Variants in SCFD2 observed in about 807,000 individuals in gnomAD.
SCFD2 encodes the protein sec1 family domain-containing protein 2.
In SCFD2, 54 loss-of-function variants were observed where a neutral mutation model predicts 58.9. The observed-to-expected ratio is 0.92, with a 90% CI of 0.74 to 1.15. SCFD2 has a LOEUF of 1.15. Ranked by LOEUF, SCFD2 falls within the 50% of genes most tolerant of loss-of-function variation. The pLI is 0.00. For missense variants in SCFD2, 805 were observed against 836.6 expected, an observed-to-expected ratio of 0.96 and a Z score of 0.47; for synonymous variants, 321 against 335.9, an observed-to-expected ratio of 0.96 and a Z score of 0.49.
intron 5 of SCFD2, among the ~76,000 whole-genome samples, chr4:52,933,099 A>T (rs527639165): frequency 6.6e-6 from 1 of 152,274 alleles, no homozygotes; most frequent in Admixed American, 6.5e-5. Flanking sequence ...AGGGAAGCTT[A>T]CAGAAAGATG....
chr4:53,093,429 A>G (rs1724529420), intron 5 of SCFD2, among the ~76,000 whole-genome samples: 1 of 152,178 alleles, frequency 6.6e-6, no homozygotes, highest in Non-Finnish European at 1.5e-5. Context: ...TAATTTGGCA[A>G]TATCTGTCAA....
chr4:53,182,972 G>C (rs1238815430), intron 4 of SCFD2, among the ~76,000 whole-genome samples: 2 of 152,192 alleles, frequency 1.3e-5, no homozygotes, highest in Non-Finnish European at 2.9e-5. Context: ...ACCCCAGTTA[G>C]AATGGCGATC....
At chr4:53,142,431 A>C (rs1446670504) in intron 5 of SCFD2, among the ~76,000 whole-genome samples, 3 of 152,258 alleles carry the variant, frequency 2.0e-5, no homozygotes, top group Admixed American at 6.5e-5. Flanking sequence ...TAAGGCATAC[A>C]ATAAATTTTG....
At chr4:53,300,375 T>G (rs561490979) in intron 3 of SCFD2, among the ~76,000 whole-genome samples, 4 of 152,058 alleles carry the variant, frequency 2.6e-5, no homozygotes, top group African/African-American at 4.8e-5. Flanking sequence ...AGGCTAAAGG[T>G]ATCAATTCAA....
At chr4:52,969,666 G>A (rs1721048081) in intron 5 of SCFD2, among the ~76,000 whole-genome samples, 1 of 152,172 alleles carries the variant, frequency 6.6e-6, no homozygotes, top group African/African-American at 2.4e-5. Flanking sequence ...GTGGAAGTGT[G>A]TGTCCTGATG....
chr4:53,089,079 A>G (rs1231560795), intron 5 of SCFD2, among the ~76,000 whole-genome samples: 7 of 152,116 alleles, frequency 4.6e-5, no homozygotes, highest in African/African-American at 1.7e-4. Context: ...CAGACACCAA[A>G]TCTGCTGGCA....
At chr4:53,284,952 A>G (rs768498725) in intron 3 of SCFD2, among the ~76,000 whole-genome samples, 1 of 152,230 alleles carries the variant, frequency 6.6e-6, no homozygotes, top group Non-Finnish European at 1.5e-5. Flanking sequence ...TTCTGGTTAC[A>G]CAATTTTTTT....
chr4:53,224,052 A>C (rs1356607399), intron 4 of SCFD2, among the ~76,000 whole-genome samples: 1 of 151,998 alleles, frequency 6.6e-6, no homozygotes, highest in African/African-American at 2.4e-5. Context: ...CCTTCATTCT[A>C]GCTAGTCAAT....
At chr4:53,171,528 G>C (rs1727176468) in intron 4 of SCFD2, among the ~76,000 whole-genome samples, 1 of 152,088 alleles carries the variant, frequency 6.6e-6, no homozygotes, top group Admixed American at 6.5e-5. Flanking sequence ...TACGAGTTTG[G>C]AATTATTCCC....
At chr4:53,139,299 A>G (rs1289436215) in intron 5 of SCFD2, among the ~76,000 whole-genome samples, 1 of 151,742 alleles carries the variant, frequency 6.6e-6, no homozygotes. Flanking sequence ...ACCCCGCCCC[A>G]CAAGAAGTGA....
intron 5 of SCFD2, among the ~76,000 whole-genome samples, chr4:53,035,917 G>C (rs1458895912): frequency 6.6e-6 from 1 of 152,112 alleles, no homozygotes; most frequent in Non-Finnish European, 1.5e-5. Context: ...AGACAGTGTG[G>C]CGATTCCTCA....
chr4:53,212,606 G>GTA (rs1371120792), intron 4 of SCFD2, among the ~76,000 whole-genome samples: 1 of 150,774 alleles, frequency 6.6e-6, no homozygotes, highest in African/African-American at 2.4e-5. Context: ...GTGTGTGTGT[G>GTA]TGCATGTGGT....
chr4:53,249,278 C>G (rs534939049), intron 4 of SCFD2, among the ~76,000 whole-genome samples: 2 of 152,230 alleles, frequency 1.3e-5, no homozygotes, highest in Admixed American at 1.3e-4. Flanking sequence ...AAGAAACGAA[C>G]AAAGCCTCCA....
intron 5 of SCFD2, among the ~76,000 whole-genome samples, chr4:52,931,607 AGT>A (rs1434853383): frequency 6.6e-6 from 1 of 152,384 alleles, no homozygotes. Flanking sequence ...GAAAACTTAC[AGT>A]GAGGAAATTT....
intron 5 of SCFD2, among the ~76,000 whole-genome samples, chr4:53,096,341 C>A (rs1442618923): frequency 4.6e-5 from 7 of 152,266 alleles, no homozygotes; most frequent in Admixed American, 2.0e-4. Context: ...CCAACAGTGT[C>A]AAAGTGTTCT....
chr4:53,356,463 T>C (rs1200286861), intron 1 of SCFD2, among the ~76,000 whole-genome samples: 1 of 152,212 alleles, frequency 6.6e-6, no homozygotes, highest in Non-Finnish European at 1.5e-5. Flanking sequence ...TCTTGCTCTG[T>C]TGCCCAGGCA....
At chr4:52,971,089 A>G (rs1721087890) in intron 5 of SCFD2, among the ~76,000 whole-genome samples, 1 of 152,204 alleles carries the variant, frequency 6.6e-6, no homozygotes, top group African/African-American at 2.4e-5. Flanking sequence ...GAAAAACCAG[A>G]AACTCGAAAA....
At chr4:53,306,874 G>T (rs1031778415) in intron 3 of SCFD2, among the ~76,000 whole-genome samples, 6 of 152,232 alleles carry the variant, frequency 3.9e-5, no homozygotes, top group African/African-American at 7.2e-5. Flanking sequence ...GATGGGTTTT[G>T]ACAGGAAAGA....
chr4:53,151,897 TAAGAGAGAGC>T (rs2148918665), intron 4 of SCFD2, among the ~76,000 whole-genome samples: 1 of 152,252 alleles, frequency 6.6e-6, no homozygotes, highest in East Asian at 1.9e-4. Flanking sequence ...CATCACATGA[TAAGAGAGAGC>T]AAGAGAGAAG....
Sources: gnomAD v4.1 joint callset for allele counts (sites outside exome capture counted in the v4.1 genomes callset) on GRCh38, gnomAD v4.1.1 for gene constraint, MANE v1.5 for transcripts, NCBI Gene and HGNC (gene_info 2026-07-23, HGNC 2026-07-21) for gene names.